MACROD2: variants seen among roughly 807,000 people sequenced by gnomAD.
MACROD2 encodes ADP-ribose glycohydrolase MACROD2.
Under a neutral mutation model 70.4 loss-of-function variants are expected in MACROD2, and 36 were observed. That is an observed-to-expected ratio of 0.51 (90% CI 0.39 to 0.68). The LOEUF is 0.68. MACROD2 is among the 30% of genes least tolerant of loss of function. The probability of loss-of-function intolerance (pLI) is 0.00; values close to 1 mark genes in which losing one functional copy is unlikely to be tolerated. For missense variants in MACROD2, 496 were observed against 538.4 expected, an observed-to-expected ratio of 0.92 and a Z score of 0.78; for synonymous variants, 172 against 178.8, an observed-to-expected ratio of 0.96 and a Z score of 0.30.
chr20:14,562,462 A>G (rs1384929924), intron 4 of MACROD2, among the ~76,000 whole-genome samples: 1 of 151,956 alleles, frequency 6.6e-6, no homozygotes, highest in African/African-American at 2.4e-5. Context: ...TTACACAAAA[A>G]GAGTATAGAT....
chr20:14,965,453 CTTTTTTTTTT>C (rs532870999), intron 5 of MACROD2, among the ~76,000 whole-genome samples: 13 of 68,074 alleles, frequency 1.9e-4, no homozygotes, highest in Admixed American at 7.1e-4. Flanking sequence ...ATTTTTTTTT[CTTTTTTTTTT>C]TTTTTTTTTT....
intron 8 of MACROD2, among the ~76,000 whole-genome samples, chr20:15,661,035 T>G (rs1446653565): frequency 2.0e-5 from 3 of 152,192 alleles, no homozygotes; most frequent in Non-Finnish European, 2.9e-5. Context: ...TGACACCAGA[T>G]TCCAACTGGT....
At chr20:15,493,065 C>G (rs930132171) in intron 7 of MACROD2, among the ~76,000 whole-genome samples, 2 of 152,112 alleles carry the variant, frequency 1.3e-5, no homozygotes, top group African/African-American at 4.8e-5. Context: ...GGATGAAAAC[C>G]CTTTGAGGTT....
chr20:14,345,915 A>T (rs181339019), intron 3 of MACROD2, among the ~76,000 whole-genome samples: 4 of 151,822 alleles, frequency 2.6e-5, no homozygotes, highest in Non-Finnish European at 5.9e-5. Flanking sequence ...AAATAAAAAT[A>T]TAAAAAATAC....
intron 5 of MACROD2, among the ~76,000 whole-genome samples, chr20:15,126,631 C>G (rs1174622234): frequency 1.3e-5 from 2 of 151,838 alleles, no homozygotes; most frequent in African/African-American, 4.8e-5. Flanking sequence ...AATTCAGAGG[C>G]TATTATTGTT....
chr20:14,413,557 A>G (rs1057104216), intron 3 of MACROD2, among the ~76,000 whole-genome samples: 1 of 152,170 alleles, frequency 6.6e-6, no homozygotes, highest in Non-Finnish European at 1.5e-5. Context: ...GAAATATATA[A>G]TCAGGTATAA....
chr20:14,350,053 T>C (rs941365707), intron 3 of MACROD2, among the ~76,000 whole-genome samples: 2 of 151,962 alleles, frequency 1.3e-5, no homozygotes, highest in Non-Finnish European at 2.9e-5. Context: ...CTGGCCATCT[T>C]ATTCTTTTTT....
In MACROD2 at chr20:15,723,537, A is replaced by G. The variant is rs544641367; in HGVS notation, c.646-139208A>G. Among the ~76,000 whole-genome samples the G allele has an allele frequency of 2.6e-5, 4 of 152,314 alleles. No homozygotes were observed. In the South Asian group the frequency reaches 8.3e-4, roughly 32 times the overall value. Reference sequence around the variant, plus strand: ...GAATGTCATATAGTTGGAATCATACAGTAAGTAGCCTTTTTCAGATTGACT... The same window carrying G: ...GAATGTCATATAGTTGGAATCATACGGTAAGTAGCCTTTTTCAGATTGACT... On this transcript the variant is annotated intron_variant, in intron 8 of 17. Coordinates refer to ENST00000684519, the MANE Select transcript of MACROD2 (RefSeq NM_001351661.2).
intron 6 of MACROD2, among the ~76,000 whole-genome samples, chr20:15,232,581 G>A (rs1393086584): frequency 6.6e-6 from 1 of 151,964 alleles, no homozygotes; most frequent in Non-Finnish European, 1.5e-5. Context: ...TAAGATAATT[G>A]GAGGAATGGA....
intron 2 of MACROD2, among the ~76,000 whole-genome samples, chr20:14,015,517 C>T (rs1394186868): frequency 6.6e-6 from 1 of 152,144 alleles, no homozygotes; most frequent in Admixed American, 6.5e-5. Flanking sequence ...TTTGAGGCTG[C>T]GATGAGCTGT....
chr20:15,647,247 A>G (rs527702041), intron 8 of MACROD2, among the ~76,000 whole-genome samples: 2 of 152,334 alleles, frequency 1.3e-5, no homozygotes, highest in South Asian at 2.1e-4. Flanking sequence ...CTAAGTAGAC[A>G]CCAAAAGGTT....
chr20:15,923,266 G>T (rs1263092952), intron 10 of MACROD2, among the ~76,000 whole-genome samples: 3 of 152,182 alleles, frequency 2.0e-5, no homozygotes, highest in Non-Finnish European at 4.4e-5. Flanking sequence ...CAGACTCATG[G>T]CGGGAAGTGA....
At chr20:14,348,503 T>A (rs968766300) in intron 3 of MACROD2, among the ~76,000 whole-genome samples, 2 of 152,048 alleles carry the variant, frequency 1.3e-5, no homozygotes, top group Non-Finnish European at 2.9e-5. Context: ...CCTCTGAACC[T>A]TATTACTTCC....
intron 6 of MACROD2, among the ~76,000 whole-genome samples, chr20:15,287,617 A>T (rs1213925089): frequency 3.3e-5 from 5 of 152,198 alleles, no homozygotes. Context: ...ATAGACAGGG[A>T]AGTCTGCAGT....
intron 3 of MACROD2, among the ~76,000 whole-genome samples, chr20:14,169,981 C>T (rs181399537): frequency 7.8e-4 from 118 of 152,186 alleles, no homozygotes; most frequent in African/African-American, 2.7e-3. Flanking sequence ...GCAATCTCCA[C>T]TTCCCAAGTT....
chr20:15,869,996 T>A (rs1403696842), intron 9 of MACROD2, among the ~76,000 whole-genome samples: 1 of 152,032 alleles, frequency 6.6e-6, no homozygotes, highest in African/African-American at 2.4e-5. Flanking sequence ...AATTCTAAAT[T>A]CATATTTTGA....
chr20:14,409,001 GC>G (rs2083719919), intron 3 of MACROD2, among the ~76,000 whole-genome samples: 1 of 152,056 alleles, frequency 6.6e-6, no homozygotes, highest in Non-Finnish European at 1.5e-5. Flanking sequence ...TGCAACTCTT[GC>G]CCATGTCAAG....
chr20:15,029,062 G>A (rs1398921577), intron 5 of MACROD2, among the ~76,000 whole-genome samples: 1 of 152,076 alleles, frequency 6.6e-6, no homozygotes, highest in Non-Finnish European at 1.5e-5. Context: ...CACAGGGCAT[G>A]GGGAGCAAGT....
intron 4 of MACROD2, among the ~76,000 whole-genome samples, chr20:14,549,360 G>T (rs1978500454): frequency 6.6e-6 from 1 of 152,058 alleles, no homozygotes; most frequent in Non-Finnish European, 1.5e-5. Context: ...GTAGACCTAA[G>T]AATAAATACT....
Sources: allele counts gnomAD v4.1 joint callset (sites outside exome capture counted in the v4.1 genomes callset), GRCh38; gene constraint gnomAD v4.1.1; transcripts MANE v1.5; gene names NCBI Gene and HGNC (gene_info 2026-07-23, HGNC 2026-07-21).